HHAT: variants seen among roughly 807,000 people sequenced by gnomAD.
HHAT encodes protein-cysteine N-palmitoyltransferase HHAT.
Under a neutral mutation model 70.8 loss-of-function variants are expected in HHAT, and 47 were observed. The observed-to-expected ratio is 0.66, with a 90% CI of 0.53 to 0.85. The LOEUF (loss-of-function observed/expected upper bound fraction) is 0.85, where lower values mean the gene tolerates loss of function less well. Ranked by LOEUF, HHAT falls within the 40% of genes least tolerant of loss-of-function variation. HHAT has a pLI of 0.00. For missense variants in HHAT, 609 were observed against 604.8 expected, an observed-to-expected ratio of 1.01 and a Z score of -0.07; for synonymous variants, 228 against 247.6, an observed-to-expected ratio of 0.92 and a Z score of 0.74.
chr1:210,535,986 T>C (rs11119533), intron 9 of HHAT, among the ~76,000 whole-genome samples: 29,558 of 152,204 alleles, frequency 0.19, 3,380 homozygotes, highest in Middle Eastern at 0.29. Flanking sequence ...AACTCTCAGC[T>C]GCTCCTGGGG....
intron 5 of HHAT, among the ~76,000 whole-genome samples, chr1:210,401,688 A>G (rs886633831): frequency 2.6e-5 from 4 of 152,200 alleles, no homozygotes; most frequent in Non-Finnish European, 4.4e-5. Context: ...CTCAGTCACA[A>G]TAACAGTGCA....
intron 2 of HHAT, among the ~76,000 whole-genome samples, chr1:210,351,440 A>G (rs2087012895): frequency 6.6e-6 from 1 of 152,206 alleles, no homozygotes; most frequent in Non-Finnish European, 1.5e-5. Context: ...ACTAACCAAC[A>G]CAATGGATGT....
chr1:210,534,386 TC>T (rs138892048), intron 9 of HHAT, among the ~76,000 whole-genome samples: 5,610 of 152,308 alleles, frequency 0.037, 326 homozygotes, highest in African/African-American at 0.12. Context: ...CATATTTTTT[TC>T]CATAGGGTTT....
intron 1 of HHAT, among the ~76,000 whole-genome samples, chr1:210,341,813 G>C (rs1315685173): frequency 6.6e-6 from 1 of 152,014 alleles, no homozygotes; most frequent in Non-Finnish European, 1.5e-5. Flanking sequence ...TATATTTTTT[G>C]AAATATTCAA....
Position 210,674,251 on chromosome 1 carries a change from T to A in HHAT, c.1391-37T>A, listed in dbSNP as rs375738999. The A allele has an allele frequency of 1.5e-5, 24 of 1,559,786 alleles. No homozygotes were observed. In the African/African-American group the frequency reaches 3.1e-4, roughly 20 times the overall value. On this transcript the variant is annotated intron_variant, in intron 11 of 11. Transcript: ENST00000261458. Reference sequence around the variant, plus strand: ...ATGTGGGATGTCCTGCCCCAAGCATTTCTAACTGCTCTTCCATCTCTGTCC... The same window carrying A: ...ATGTGGGATGTCCTGCCCCAAGCATATCTAACTGCTCTTCCATCTCTGTCC...
chr1:210,463,876 T>G (rs951565305), intron 7 of HHAT, among the ~76,000 whole-genome samples: 76 of 152,206 alleles, frequency 5.0e-4, no homozygotes, highest in African/African-American at 1.8e-3. Context: ...AGATTTTCTT[T>G]TTTAACTGTT....
intron 9 of HHAT, among the ~76,000 whole-genome samples, chr1:210,557,893 C>T (rs2095587061): frequency 6.6e-6 from 1 of 152,078 alleles, no homozygotes; most frequent in African/African-American, 2.4e-5. Context: ...ATGTGGGTGG[C>T]CAGGAGTATG....
chr1:210,404,713 T>C (rs2092254677), intron 6 of HHAT, 34 bp downstream of exon 6: 3 of 1,554,850 alleles, frequency 1.9e-6, no homozygotes, highest in Non-Finnish European at 2.7e-6. Flanking sequence ...TGGGATTCTA[T>C]AGCTTAAGCC....
intron 10 of HHAT, among the ~76,000 whole-genome samples, chr1:210,593,038 C>T (rs1013554397): frequency 2.6e-5 from 4 of 152,166 alleles, no homozygotes; most frequent in Non-Finnish European, 4.4e-5. Context: ...GCTTCCCCCA[C>T]CCCACGACAG....
intron 1 of HHAT, among the ~76,000 whole-genome samples, chr1:210,341,091 A>G (rs1571716175): frequency 6.6e-6 from 1 of 152,258 alleles, no homozygotes; most frequent in Admixed American, 6.5e-5. Context: ...AGTACTTGTT[A>G]TAGTACAGCT....
intron 11 of HHAT, among the ~76,000 whole-genome samples, chr1:210,663,213 C>T (rs1289110521): frequency 1.3e-5 from 2 of 152,244 alleles, no homozygotes; most frequent in African/African-American, 2.4e-5. Context: ...CAAGAAAGGG[C>T]GGCCCCAGGA....
intron 8 of HHAT, among the ~76,000 whole-genome samples, chr1:210,498,162 TA>T (rs986616540): frequency 4.6e-5 from 7 of 152,194 alleles, no homozygotes; most frequent in African/African-American, 1.7e-4. Context: ...AGAAGCTCAG[TA>T]AATGTAAAGA....
At chr1:210,452,269 G>C (rs140257064) in intron 7 of HHAT, among the ~76,000 whole-genome samples, 1 of 152,238 alleles carries the variant, frequency 6.6e-6, no homozygotes, top group East Asian at 1.9e-4. Context: ...CAAGGAGGTG[G>C]GATTGTGCTG....
chr1:210,454,350 G>A (rs745814817), intron 7 of HHAT, among the ~76,000 whole-genome samples: 5 of 152,180 alleles, frequency 3.3e-5, no homozygotes, highest in Admixed American at 1.3e-4. Context: ...TCAGGAGATT[G>A]AGACCATCCT....
chr1:210,509,027 A>G (rs1051807779), intron 8 of HHAT, among the ~76,000 whole-genome samples: 1 of 152,216 alleles, frequency 6.6e-6, no homozygotes, highest in Admixed American at 6.5e-5. Flanking sequence ...TATGCTTCTA[A>G]GGACACTTTC....
At chr1:210,406,402 T>TC (rs2092331997) in intron 6 of HHAT, among the ~76,000 whole-genome samples, 1 of 150,104 alleles carries the variant, frequency 6.7e-6, no homozygotes, top group Admixed American at 6.6e-5. Flanking sequence ...TTTTTCTTCT[T>TC]TTTTTTTTTG....
chr1:210,611,608 C>T (rs1666600130), intron 10 of HHAT, among the ~76,000 whole-genome samples: 2 of 152,002 alleles, frequency 1.3e-5, no homozygotes, highest in African/African-American at 4.8e-5. Flanking sequence ...ACAGTTTCTG[C>T]TTTTGCCCAT....
At chr1:210,406,853 C>T (rs535794555) in intron 6 of HHAT, among the ~76,000 whole-genome samples, 1 of 152,272 alleles carries the variant, frequency 6.6e-6, no homozygotes, top group African/African-American at 2.4e-5. Flanking sequence ...AGGTTGCTTC[C>T]TGTAGGGGCC....
At chr1:210,428,726 C>T (rs2093153112) in intron 7 of HHAT, among the ~76,000 whole-genome samples, 2 of 151,770 alleles carry the variant, frequency 1.3e-5, no homozygotes, top group Non-Finnish European at 2.9e-5. Flanking sequence ...CCTATAATCC[C>T]AGCACTTTGG....
Sources: gnomAD v4.1 joint callset for allele counts (sites outside exome capture counted in the v4.1 genomes callset) on GRCh38, gnomAD v4.1.1 for gene constraint, MANE v1.5 for transcripts, NCBI Gene and HGNC (gene_info 2026-07-23, HGNC 2026-07-21) for gene names.